Variants in CTIF observed in about 807,000 individuals in gnomAD.
The protein encoded by CTIF is CBP80/20-dependent translation initiation factor.
Under a neutral mutation model 66.0 loss-of-function variants are expected in CTIF, and 21 were observed. The ratio of observed to expected loss-of-function variants is 0.32; its 90% CI spans 0.23 to 0.46. CTIF has a LOEUF of 0.46. CTIF is among the 20% of genes least tolerant of loss of function. CTIF has a pLI of 1.00. For missense variants in CTIF, 739 were observed against 812.7 expected (o/e 0.91, Z 1.10); for synonymous variants, 345 against 326.4 (o/e 1.06, Z -0.62).
chr18:48,690,611 G>A (rs56366487), intron 6 of CTIF, among the ~76,000 whole-genome samples: 13,820 of 152,032 alleles, frequency 0.091, 1,778 homozygotes, highest in African/African-American at 0.29. Flanking sequence ...GACCTGGCTC[G>A]GGGATTGGCT....
intron 7 of CTIF, among the ~76,000 whole-genome samples, chr18:48,753,951 C>T (rs904011789): frequency 4.6e-5 from 7 of 152,134 alleles, no homozygotes; most frequent in East Asian, 1.9e-4. Context: ...CGAAACCCAG[C>T]GCCAGCAAAT....
At chr18:48,677,391 G>A (rs1346166319) in intron 6 of CTIF, among the ~76,000 whole-genome samples, 1 of 152,188 alleles carries the variant, frequency 6.6e-6, no homozygotes, top group East Asian at 1.9e-4. Flanking sequence ...AAGTGCAGGG[G>A]CTGGTACCTG....
At chr18:48,645,270 G>T (rs2091006114) in intron 3 of CTIF, among the ~76,000 whole-genome samples, 1 of 4,090 alleles carries the variant, frequency 2.4e-4, no homozygotes, top group African/African-American at 3.3e-4. Flanking sequence ...AATGCTAATG[G>T]ACACAGGCAA....
chr18:48,659,734 T>C (rs951500164), intron 3 of CTIF, among the ~76,000 whole-genome samples: 2 of 152,032 alleles, frequency 1.3e-5, no homozygotes, highest in African/African-American at 2.4e-5. Flanking sequence ...GGCAGAGACC[T>C]GTGGGGCAGA....
rs558632174 is a variant in CTIF, at chr18:48,617,935, G to A, written c.-28-1603G>A. On this transcript the variant is annotated intron_variant, in intron 1 of 11. Coordinates refer to ENST00000256413, the MANE Select transcript of CTIF (RefSeq NM_014772.3). Reference sequence around the variant, plus strand: ...GCAGCAGGCCTGGGGTCCGAGGGAGGCTGGGCCCCTTGCAGCGGCCAAAAG... The same window carrying A: ...GCAGCAGGCCTGGGGTCCGAGGGAGACTGGGCCCCTTGCAGCGGCCAAAAG... Among the ~76,000 whole-genome samples the A allele has an allele frequency of 5.3e-5, 8 of 152,372 alleles. No individual in the cohort carries two copies. The South Asian group carries it at 1.7e-3, about 32-fold the overall frequency.
At position 48,603,564 on chromosome 18, in the gene CTIF, T is replaced by TG. The variant is rs1174030914; in HGVS notation, c.-28-15967dup. ...ATGTGTGGATGGATGGATGGATAAA[T>TG]GGGGGGGTGGATGGCTGGCTGGGTG... On this transcript the variant is annotated intron_variant, in intron 1 of 11. Transcript: ENST00000256413. Among the ~76,000 whole-genome samples the TG allele has an allele frequency of 1.5e-4, 19 of 130,112 alleles. No homozygotes were observed. The South Asian group carries it at 1.6e-3, about 11-fold the overall frequency. The allele number at this position is 130,112 out of a possible 152,430, so 85.4% of individuals were successfully genotyped here.
At chr18:48,669,480 A>T (rs546110085) in intron 5 of CTIF, among the ~76,000 whole-genome samples, 175 of 152,008 alleles carry the variant, frequency 1.2e-3, no homozygotes, top group Non-Finnish European at 1.9e-3. Context: ...TCTCTTCAAT[A>T]GATGAAGCAA....
At chr18:48,854,217 G>A (rs2069273458) in intron 10 of CTIF, among the ~76,000 whole-genome samples, 1 of 152,056 alleles carries the variant, frequency 6.6e-6, no homozygotes, top group South Asian at 2.1e-4. Context: ...GGGAAAGCAG[G>A]AGTGCCTGGG....
intron 7 of CTIF, 99 bp from the exon 8 acceptor site, chr18:48,757,820 T>G: frequency 2.1e-6 from 3 of 1,446,242 alleles, no homozygotes; most frequent in Non-Finnish European, 2.8e-6. Flanking sequence ...AATGAATATA[T>G]GGACAAGGCA....
Position 48,653,152 on chromosome 18 carries a change from T to G in CTIF, c.253-10600T>G, listed in dbSNP as rs575979139. Among the ~76,000 whole-genome samples the G allele has an allele frequency of 1.8e-4, 27 of 152,220 alleles. No individual in the cohort carries two copies. The South Asian group carries it at 4.8e-3, about 27-fold the overall frequency. ...AGGGCACTCAGGCAAGAGAAAGAAA[T>G]AAAGGGTATTCAATGAGGAAAAGAG... On this transcript the variant is annotated intron_variant, in intron 3 of 11. Transcript: ENST00000256413.
chr18:48,739,556 C>T (rs552771366), intron 7 of CTIF, among the ~76,000 whole-genome samples: 1 of 152,334 alleles, frequency 6.6e-6, no homozygotes, highest in African/African-American at 2.4e-5. Context: ...CCAGTCACTT[C>T]ATCTTTGAAG....
intron 9 of CTIF, among the ~76,000 whole-genome samples, chr18:48,813,804 G>C (rs1358919817): frequency 6.6e-6 from 1 of 152,200 alleles, no homozygotes; most frequent in Non-Finnish European, 1.5e-5. Flanking sequence ...GCCCCAGAGG[G>C]CTTTGCCTGA....
intron 9 of CTIF, among the ~76,000 whole-genome samples, chr18:48,800,703 C>T (rs182168754): frequency 1.1e-4 from 17 of 152,312 alleles, no homozygotes; most frequent in Admixed American, 9.8e-4. Flanking sequence ...GGTGTTTAGC[C>T]GTGTTTCCCT....
intron 2 of CTIF, among the ~76,000 whole-genome samples, chr18:48,623,412 GAA>G (rs2090533083): frequency 6.6e-6 from 1 of 152,190 alleles, no homozygotes; most frequent in Non-Finnish European, 1.5e-5. Flanking sequence ...ACCGACTCTG[GAA>G]GAGGGACGGC....
At chr18:48,776,109 G>A (rs1910644578) in intron 9 of CTIF, among the ~76,000 whole-genome samples, 1 of 152,222 alleles carries the variant, frequency 6.6e-6, no homozygotes, top group Non-Finnish European at 1.5e-5. Flanking sequence ...AGGCTCCAGG[G>A]CCTCTGAACC....
At chr18:48,731,534 C>G (rs1415881071) in intron 7 of CTIF, among the ~76,000 whole-genome samples, 1 of 152,186 alleles carries the variant, frequency 6.6e-6, no homozygotes, top group Non-Finnish European at 1.5e-5. Flanking sequence ...ACAATGTCTT[C>G]CCAGTGGCCA....
At chr18:48,580,748 C>T (rs1409220190) in intron 1 of CTIF, among the ~76,000 whole-genome samples, 1 of 152,220 alleles carries the variant, frequency 6.6e-6, no homozygotes, top group Non-Finnish European at 1.5e-5. Flanking sequence ...CTCCTCCTCC[C>T]ATCCTGAGGA....
chr18:48,776,401 A>C (rs1270394377), intron 9 of CTIF, among the ~76,000 whole-genome samples: 1 of 152,256 alleles, frequency 6.6e-6, no homozygotes, highest in Non-Finnish European at 1.5e-5. Context: ...TGCAGGAGCC[A>C]GAGCAGGGTT....
At chr18:48,670,494 C>A (rs74363574) in intron 5 of CTIF, 175 bp from the exon 6 acceptor site, 151,621 of 545,436 alleles carry the variant, frequency 0.28, 23,007 homozygotes, top group African/African-American at 0.57. Context: ...GACCCCCCCC[C>A]CACACACACA....
Sources: allele counts gnomAD v4.1 joint callset (sites outside exome capture counted in the v4.1 genomes callset), GRCh38; gene constraint gnomAD v4.1.1; transcripts MANE v1.5; gene names NCBI Gene and HGNC (gene_info 2026-07-23, HGNC 2026-07-21).